Variants in CNTNAP2 observed in about 807,000 individuals in gnomAD.
CNTNAP2 encodes contactin associated protein 2, also known as contactin-associated protein-like 2.
A neutral mutation model predicts 155.2 loss-of-function variants in CNTNAP2; 98 were observed. The ratio of observed to expected loss-of-function variants is 0.63; its 90% CI spans 0.54 to 0.75. The LOEUF is 0.75. Ranked by LOEUF, CNTNAP2 falls within the 30% of genes least tolerant of loss-of-function variation. CNTNAP2 has a pLI of 0.00. For synonymous variants in CNTNAP2, 651 were observed against 631.2 expected (o/e 1.03, Z -0.47); for missense variants, 1,727 against 1,688.1 (o/e 1.02, Z -0.40).
intron 14 of CNTNAP2, among the ~76,000 whole-genome samples, chr7:147,957,795 C>T (rs1348640125): frequency 6.6e-6 from 1 of 152,124 alleles, no homozygotes; most frequent in African/African-American, 2.4e-5. Flanking sequence ...AAATATAGGG[C>T]TAGACATAGT....
At chr7:147,628,759 C>T (rs542538549) in intron 12 of CNTNAP2, among the ~76,000 whole-genome samples, 10 of 149,668 alleles carry the variant, frequency 6.7e-5, no homozygotes, top group Admixed American at 6.0e-4. Context: ...CTCACATAAA[C>T]TTAAGGTAAA....
At chr7:147,076,203 C>A (rs1055571392) in intron 4 of CNTNAP2, among the ~76,000 whole-genome samples, 2 of 152,280 alleles carry the variant, frequency 1.3e-5, no homozygotes, top group East Asian at 3.9e-4. Flanking sequence ...TGAGGAATCG[C>A]CACACTGTCT....
intron 4 of CNTNAP2, among the ~76,000 whole-genome samples, chr7:147,068,996 G>T (rs10225201): frequency 6.6e-6 from 1 of 152,084 alleles, no homozygotes; most frequent in African/African-American, 2.4e-5. Flanking sequence ...ACTTTTACTC[G>T]TGGCAGAAGG....
At chr7:147,501,074 GATATATCT>G (rs1394556172) in intron 11 of CNTNAP2, among the ~76,000 whole-genome samples, 1 of 152,008 alleles carries the variant, frequency 6.6e-6, no homozygotes, top group East Asian at 1.9e-4. Context: ...AGGATGGTTT[GATATATCT>G]AAATTAGCAA....
At chr7:146,818,872 A>G (rs1400358108) in intron 2 of CNTNAP2, among the ~76,000 whole-genome samples, 1 of 152,118 alleles carries the variant, frequency 6.6e-6, no homozygotes, top group African/African-American at 2.4e-5. Flanking sequence ...GTATGTATGT[A>G]AAATATTTAA....
chr7:147,315,558 T>C (rs2177719), intron 9 of CNTNAP2, among the ~76,000 whole-genome samples: 72,927 of 148,448 alleles, frequency 0.49, 19,055 homozygotes, highest in East Asian at 0.73. Flanking sequence ...CTCGGCTCAC[T>C]GCAAGCTCCG....
chr7:147,310,766 T>C (rs137934449), intron 9 of CNTNAP2, among the ~76,000 whole-genome samples: 1 of 152,174 alleles, frequency 6.6e-6, no homozygotes, highest in Non-Finnish European at 1.5e-5. Flanking sequence ...AAAAGCATAG[T>C]AAGGAAGGCT....
chr7:148,070,442 G>C (rs1803358174), intron 15 of CNTNAP2, among the ~76,000 whole-genome samples: 1 of 152,204 alleles, frequency 6.6e-6, no homozygotes, highest in South Asian at 2.1e-4. Context: ...TTTGGGCTGG[G>C]CACCGTGGCT....
At chr7:147,757,644 T>G (rs1380428848) in intron 13 of CNTNAP2, among the ~76,000 whole-genome samples, 1 of 152,194 alleles carries the variant, frequency 6.6e-6, no homozygotes, top group Non-Finnish European at 1.5e-5. Context: ...CAAATTTAAA[T>G]TTTCTACTCT....
intron 1 of CNTNAP2, among the ~76,000 whole-genome samples, chr7:146,216,535 C>T (rs1437448497): frequency 6.6e-6 from 1 of 152,110 alleles, no homozygotes; most frequent in African/African-American, 2.4e-5. Context: ...AACTGCCGAT[C>T]AGCAGAATTC....
At chr7:147,603,610 T>C (rs1412105865) in intron 12 of CNTNAP2, among the ~76,000 whole-genome samples, 2 of 152,130 alleles carry the variant, frequency 1.3e-5, no homozygotes, top group Non-Finnish European at 2.9e-5. Context: ...TGCTCATGGG[T>C]AGGAAGAATC....
At chr7:146,714,184 A>T (rs753781693) in intron 1 of CNTNAP2, among the ~76,000 whole-genome samples, 1 of 152,160 alleles carries the variant, frequency 6.6e-6, no homozygotes, top group Non-Finnish European at 1.5e-5. Flanking sequence ...ATTCTGTCAC[A>T]GTCCTTTGTG....
At chr7:148,065,214 T>C (rs1803233670) in intron 15 of CNTNAP2, among the ~76,000 whole-genome samples, 1 of 152,182 alleles carries the variant, frequency 6.6e-6, no homozygotes, top group East Asian at 1.9e-4. Context: ...GCCTATCATA[T>C]GGTCTATCTT....
Position 148,274,089 on chromosome 7 carries a change from A to G in CNTNAP2, c.3475+6963A>G, listed in dbSNP as rs563099480. 4.6e-5 allele frequency among the ~76,000 whole-genome samples: 7 copies of G among 152,232 alleles called. No individual in the cohort carries two copies. In the South Asian group the frequency reaches 1.0e-3, roughly 23 times the overall value. On this transcript the variant is annotated intron_variant, in intron 21 of 23. Transcript: ENST00000361727. ...AAGATTTGTGTGATTTCCAGGCTAGAACATTTAAGTGCTCATGCAAGACCC... is the reference window on the plus strand; with the variant it reads ...AAGATTTGTGTGATTTCCAGGCTAGGACATTTAAGTGCTCATGCAAGACCC...
At chr7:147,915,951 G>C (rs1244516270) in intron 14 of CNTNAP2, among the ~76,000 whole-genome samples, 1 of 152,134 alleles carries the variant, frequency 6.6e-6, no homozygotes, top group Admixed American at 6.6e-5. Context: ...CTCTTAACAG[G>C]AGATTCCTAG....
chr7:146,254,163 A>ACACACACAC (rs754212213), intron 1 of CNTNAP2, among the ~76,000 whole-genome samples: 1 of 129,146 alleles, frequency 7.7e-6, no homozygotes, highest in African/African-American at 3.8e-5. Flanking sequence ...ACACACACAC[A>ACACACACAC]AGCAAACACA....
At chr7:147,268,355 C>T (rs1804664307) in intron 8 of CNTNAP2, among the ~76,000 whole-genome samples, 1 of 152,110 alleles carries the variant, frequency 6.6e-6, no homozygotes, top group Non-Finnish European at 1.5e-5. Flanking sequence ...AGGATGAGTT[C>T]ATGTCCTTTG....
At chr7:146,601,819 CA>C (rs922719650) in intron 1 of CNTNAP2, among the ~76,000 whole-genome samples, 6 of 151,306 alleles carry the variant, frequency 4.0e-5, no homozygotes, top group African/African-American at 1.5e-4. Context: ...GGTATGAATG[CA>C]AAAAAAGTAG....
At chr7:146,431,591 T>C (rs1796173754) in intron 1 of CNTNAP2, among the ~76,000 whole-genome samples, 1 of 151,660 alleles carries the variant, frequency 6.6e-6, no homozygotes, top group African/African-American at 2.4e-5. Flanking sequence ...TGTGAATCAA[T>C]AATTTAATTT....
Sources: gnomAD v4.1 joint callset for allele counts (sites outside exome capture counted in the v4.1 genomes callset) on GRCh38, gnomAD v4.1.1 for gene constraint, MANE v1.5 for transcripts, NCBI Gene and HGNC (gene_info 2026-07-23, HGNC 2026-07-21) for gene names.